ZFPM2: variants seen among roughly 807,000 people sequenced by gnomAD.
ZFPM2 encodes the protein zinc finger protein, FOG family member 2.
A neutral mutation model predicts 98.6 loss-of-function variants in ZFPM2; 20 were observed. The observed-to-expected ratio is 0.20, with a 90% CI of 0.14 to 0.29. ZFPM2 has a LOEUF of 0.29. Among genes scored for constraint, ZFPM2 ranks in the 10% least tolerant of loss-of-function variants. The pLI, the probability that ZFPM2 is intolerant of heterozygous loss-of-function variation, is 1.00. For missense variants in ZFPM2, 1,310 were observed against 1,388.6 expected (o/e 0.94, Z 0.90); for synonymous variants, 518 against 502.7 (o/e 1.03, Z -0.41).
At position 105,462,215 on chromosome 8, in the gene ZFPM2, C is replaced by T. The variant is rs575124702; in HGVS notation, c.301+17834C>T. ...AAGCACATAGTAATCTTAGTAACCT[C>T]CACCATTCATCAAGCACCCTGGCTC... On this transcript the variant is annotated intron_variant, in intron 3 of 7. Transcript: ENST00000407775. 1.3e-5 allele frequency among the ~76,000 whole-genome samples: 2 copies of T among 152,244 alleles called. 1 individual carries two copies. Among genetic ancestry groups the T allele is most frequent in the African/African-American group, 4.8e-5 (2 of 41,576 alleles).
intron 6 of ZFPM2, chr8:105,796,622 A>ATGT (rs1235355601): frequency 2.6e-5 from 4 of 152,074 alleles, no homozygotes; most frequent in Non-Finnish European, 5.9e-5. Context: ...ATCGCCTTTA[A>ATGT]TGTTGTCTCC....
intron 4 of ZFPM2, among the ~76,000 whole-genome samples, chr8:105,608,603 T>A (rs1272512157): frequency 8.1e-5 from 12 of 147,774 alleles, no homozygotes; most frequent in Admixed American, 3.4e-4. Flanking sequence ...TTTTTTTTTT[T>A]AATCAGTGAG....
intron 3 of ZFPM2, among the ~76,000 whole-genome samples, chr8:105,478,770 C>A (rs1236450113): frequency 6.6e-6 from 1 of 152,144 alleles, no homozygotes; most frequent in Non-Finnish European, 1.5e-5. Context: ...TTCTGCTGAC[C>A]ACCAGCTTGG....
intron 3 of ZFPM2, among the ~76,000 whole-genome samples, chr8:105,556,091 A>T (rs1053314755): frequency 1.3e-5 from 2 of 152,180 alleles, no homozygotes; most frequent in Non-Finnish European, 2.9e-5. Context: ...AATGGGTAAC[A>T]TGATGAAAGT....
At chr8:105,517,310 G>T (rs1268618718) in intron 3 of ZFPM2, among the ~76,000 whole-genome samples, 1 of 152,062 alleles carries the variant, frequency 6.6e-6, no homozygotes, top group Admixed American at 6.6e-5. Flanking sequence ...ATATACTCAG[G>T]ATACACGCTG....
At chr8:105,622,016 T>C (rs959704389) in intron 4 of ZFPM2, among the ~76,000 whole-genome samples, 5 of 151,980 alleles carry the variant, frequency 3.3e-5, no homozygotes, top group African/African-American at 1.2e-4. Context: ...ACTTTCAAAA[T>C]AGAAACAATA....
At chr8:105,563,949 G>T (rs1037409751) in intron 4 of ZFPM2, among the ~76,000 whole-genome samples, 1 of 151,902 alleles carries the variant, frequency 6.6e-6, no homozygotes, top group African/African-American at 2.4e-5. Flanking sequence ...TGCTATTTTT[G>T]ATTAATCTTG....
chr8:105,524,738 G>A (rs1166642511), intron 3 of ZFPM2, among the ~76,000 whole-genome samples: 1 of 152,122 alleles, frequency 6.6e-6, no homozygotes. Context: ...GTGACCTGGA[G>A]GGTGTACGAG....
chr8:105,465,944 C>T (rs1040876778), intron 3 of ZFPM2, among the ~76,000 whole-genome samples: 4 of 151,890 alleles, frequency 2.6e-5, no homozygotes, highest in African/African-American at 9.7e-5. Context: ...ATGAATTTAA[C>T]AAAATTTTTC....
chr8:105,624,325 TC>T (rs1816610580), intron 4 of ZFPM2, among the ~76,000 whole-genome samples: 1 of 152,102 alleles, frequency 6.6e-6, no homozygotes, highest in Non-Finnish European at 1.5e-5. Flanking sequence ...AAAACAACAC[TC>T]CTTAAACACC....
intron 1 of ZFPM2, among the ~76,000 whole-genome samples, chr8:105,352,960 C>T (rs1461319317): frequency 1.3e-5 from 2 of 152,016 alleles, no homozygotes; most frequent in Admixed American, 1.3e-4. Context: ...AACATTAGCA[C>T]ATCAATATGT....
intron 3 of ZFPM2, among the ~76,000 whole-genome samples, chr8:105,516,025 G>A (rs1432245751): frequency 2.7e-5 from 4 of 147,406 alleles, no homozygotes; most frequent in East Asian, 2.0e-4. Flanking sequence ...CTCCGGGTCC[G>A]AGCAATTCTC....
intron 5 of ZFPM2, among the ~76,000 whole-genome samples, chr8:105,776,102 A>AT (rs1211528546): frequency 4.0e-5 from 6 of 151,882 alleles, no homozygotes; most frequent in Non-Finnish European, 8.8e-5. Context: ...AAAAAAAAAA[A>AT]GTACTGTGGA....
At chr8:105,589,978 CCA>C (rs1815807319) in intron 4 of ZFPM2, among the ~76,000 whole-genome samples, 1 of 152,210 alleles carries the variant, frequency 6.6e-6, no homozygotes, top group Non-Finnish European at 1.5e-5. Context: ...GCCTCAGCCC[CCA>C]GAGTGCTGGG....
chr8:105,580,305 A>T (rs1351242605), intron 4 of ZFPM2, among the ~76,000 whole-genome samples: 2 of 152,214 alleles, frequency 1.3e-5, no homozygotes, highest in Non-Finnish European at 2.9e-5. Flanking sequence ...ACTTCTAAAT[A>T]GTGAATATAT....
At position 105,722,344 on chromosome 8, in the gene ZFPM2, T is replaced by G. The variant is rs951898094; in HGVS notation, c.533-66374T>G. On this transcript the variant is annotated intron_variant, in intron 5 of 7. Coordinates refer to ENST00000407775, the MANE Select transcript of ZFPM2 (RefSeq NM_012082.4). ...ATCTTTGTTTCTATTGTCAATTTAT[T>G]TTTCGATTATTCCAATTTCTTCCTT... Among the ~76,000 whole-genome samples, 49 of 152,004 alleles carry G rather than the reference T, an allele frequency of 3.2e-4. 1 individual carries two copies. The highest frequency in any genetic ancestry group is 1.1e-3 in the African/African-American group (47 of 41,512).
chr8:105,532,506 A>AT, intron 3 of ZFPM2, among the ~76,000 whole-genome samples: 1 of 152,300 alleles, frequency 6.6e-6, no homozygotes, highest in East Asian at 1.9e-4. Context: ...ATGATTCTTA[A>AT]TTTTTGTAAA....
chr8:105,621,027 C>T (rs1198085958), intron 4 of ZFPM2, among the ~76,000 whole-genome samples: 1 of 152,092 alleles, frequency 6.6e-6, no homozygotes, highest in Non-Finnish European at 1.5e-5. Flanking sequence ...TTTTTGGTTC[C>T]ATATGAAATT....
intron 4 of ZFPM2, among the ~76,000 whole-genome samples, chr8:105,577,019 C>T (rs16873402): frequency 0.4 from 60,491 of 151,840 alleles, 13,795 homozygotes; most frequent in African/African-American, 0.63. Context: ...TATTTCATAA[C>T]TATTCTAACA....
Sources: allele counts gnomAD v4.1 joint callset (sites outside exome capture counted in the v4.1 genomes callset), GRCh38; gene constraint gnomAD v4.1.1; transcripts MANE v1.5; gene names NCBI Gene and HGNC (gene_info 2026-07-23, HGNC 2026-07-21).